The following SEMA3D variants were observed in gnomAD, a reference collection of about 807,000 sequenced individuals.
The protein encoded by SEMA3D is semaphorin 3D, also known as semaphorin-3D.
In SEMA3D, 84 loss-of-function variants were observed where a neutral mutation model predicts 100.1. The ratio of observed to expected loss-of-function variants is 0.84; its 90% CI spans 0.70 to 1.01. The LOEUF is 1.01. Ranked by LOEUF, SEMA3D falls within the 50% of genes least tolerant of loss-of-function variation. SEMA3D has a pLI of 0.00. For synonymous variants in SEMA3D, 312 were observed against 320.7 expected (o/e 0.97, Z 0.29); for missense variants, 875 against 934.1 (o/e 0.94, Z 0.82).
At chr7:85,178,543 G>A (rs62462200) in intron 1 of SEMA3D, among the ~76,000 whole-genome samples, 4,091 of 152,254 alleles carry the variant, frequency 0.027, 80 homozygotes, top group Non-Finnish European at 0.043. Flanking sequence ...AGAGATCTGT[G>A]GAGCTTTGAA....
rs144869815 is a variant in SEMA3D, at chr7:85,022,505, C to T, written c.1300G>A (p.Val434Ile). ...CTCTTGAACGTTGGTCCTCCTGCAA[C>T]TGGGTATACGGACTTATACATCACA... ...HSVMYKSVYP[V>I]AGGPTFKRIN... The change falls in exon 13 of 19, where the codon GTT (valine) becomes ATT (isoleucine). Residue 434 changes from valine to isoleucine, a missense_variant. Coordinates refer to ENST00000284136, the MANE Select transcript of SEMA3D (RefSeq NM_001384900.1). 6.2e-7 allele frequency: 1 copy of T among 1,612,326 alleles called. No individual in the cohort carries two copies. The highest frequency in any genetic ancestry group is 1.7e-5 in the Admixed American group (1 of 59,886).
At chr7:85,225,050 T>TTATATATATATATATA in the SEMA3D span, among the ~76,000 whole-genome samples, 1 of 77,446 alleles carries the variant, frequency 1.3e-5, no homozygotes, top group South Asian at 6.1e-4. Context: ...TGATTTTCTT[T>TTATATATATATATATA]TATATATATA....
intron 8 of SEMA3D, among the ~76,000 whole-genome samples, chr7:85,063,404 T>C (rs1207767447): frequency 6.6e-6 from 1 of 152,182 alleles, no homozygotes; most frequent in East Asian, 1.9e-4. Flanking sequence ...TTCTGCATCA[T>C]AATTATTTGC....
chr7:85,149,279 C>A (rs1472794458), intron 2 of SEMA3D, among the ~76,000 whole-genome samples: 1 of 151,068 alleles, frequency 6.6e-6, no homozygotes, highest in Non-Finnish European at 1.5e-5. Flanking sequence ...ACCCTGCCTC[C>A]CCAAATAAAT....
chr7:85,177,584 AT>A (rs1001485393), intron 1 of SEMA3D, among the ~76,000 whole-genome samples: 9 of 152,140 alleles, frequency 5.9e-5, no homozygotes, highest in African/African-American at 1.7e-4. Context: ...AAATGCACAT[AT>A]TTTTTAAGTG....
chr7:85,177,018 A>G (rs1182761836), intron 1 of SEMA3D, among the ~76,000 whole-genome samples: 3 of 152,112 alleles, frequency 2.0e-5, no homozygotes, highest in Admixed American at 1.3e-4. Context: ...CATGCTGTAT[A>G]GATTTGTAGC....
chr7:85,091,927 C>T (rs1291796982), intron 4 of SEMA3D, among the ~76,000 whole-genome samples: 1 of 151,952 alleles, frequency 6.6e-6, no homozygotes, highest in African/African-American at 2.4e-5. Context: ...AATGCAGCTC[C>T]CTTAATTTAA....
chr7:85,014,627 C>T (rs1790046121), intron 16 of SEMA3D, among the ~76,000 whole-genome samples: 1 of 151,638 alleles, frequency 6.6e-6, no homozygotes, highest in African/African-American at 2.4e-5. Context: ...AGTCACTAGG[C>T]TGCACTGTGG....
At chr7:85,247,142 C>T in the SEMA3D span, among the ~76,000 whole-genome samples, 8 of 151,950 alleles carry the variant, frequency 5.3e-5, no homozygotes, top group African/African-American at 9.7e-5. Flanking sequence ...AAGTTACATC[C>T]TGCCTATATT....
chr7:85,091,299 C>T (rs1012184204), intron 4 of SEMA3D, among the ~76,000 whole-genome samples: 6 of 152,024 alleles, frequency 3.9e-5, no homozygotes, highest in African/African-American at 1.2e-4. Flanking sequence ...GCTTGGTAAG[C>T]CATACGTCAT....
At chr7:85,194,565 G>A in the SEMA3D span, among the ~76,000 whole-genome samples, 2 of 151,994 alleles carry the variant, frequency 1.3e-5, no homozygotes, top group African/African-American at 2.4e-5. Context: ...GCCATTTAAC[G>A]TTTTAATCAT....
At chr7:85,163,848 G>A (rs976079211) in intron 1 of SEMA3D, among the ~76,000 whole-genome samples, 4 of 151,930 alleles carry the variant, frequency 2.6e-5, no homozygotes, top group African/African-American at 9.7e-5. Context: ...AGTAAGGAAA[G>A]GTAATTTTTG....
At chr7:85,009,882 G>A (rs923917494) in intron 17 of SEMA3D, among the ~76,000 whole-genome samples, 30 of 151,632 alleles carry the variant, frequency 2.0e-4, no homozygotes, top group African/African-American at 5.8e-4. Flanking sequence ...ATGACAGGAC[G>A]AATATGAAAT....
the SEMA3D span, among the ~76,000 whole-genome samples, chr7:85,217,280 C>T: frequency 6.6e-6 from 1 of 151,926 alleles, no homozygotes. Context: ...GCTGCATATG[C>T]CTGTTTCCAA....
At chr7:85,010,013 A>G (rs1348213099) in intron 17 of SEMA3D, among the ~76,000 whole-genome samples, 1 of 151,866 alleles carries the variant, frequency 6.6e-6, no homozygotes, top group South Asian at 2.1e-4. Flanking sequence ...GGGCAAAAAA[A>G]AAATGTATTT....
At chr7:85,059,145 C>A (rs1207350736) in intron 8 of SEMA3D, among the ~76,000 whole-genome samples, 1 of 152,138 alleles carries the variant, frequency 6.6e-6, no homozygotes, top group African/African-American at 2.4e-5. Flanking sequence ...TGCTTAAATC[C>A]AGTGCTGCCA....
intron 2 of SEMA3D, chr7:85,141,913 A>G (rs1015094995): frequency 1.2e-4 from 120 of 978,836 alleles, no homozygotes; most frequent in Non-Finnish European, 1.4e-4. Context: ...TCTCAGTATT[A>G]ATTTATGATG....
chr7:85,077,951 G>A (rs1787932851), intron 5 of SEMA3D, among the ~76,000 whole-genome samples: 1 of 151,836 alleles, frequency 6.6e-6, no homozygotes, highest in Admixed American at 6.6e-5. Context: ...TAACAATAGG[G>A]GATTGATTAA....
intron 18 of SEMA3D, among the ~76,000 whole-genome samples, chr7:85,000,471 A>G (rs542276025): frequency 6.6e-6 from 1 of 152,306 alleles, no homozygotes; most frequent in South Asian, 2.1e-4. Flanking sequence ...GTACGGGTAT[A>G]GTCTTTTGGA....
Sources: gnomAD v4.1 joint callset for allele counts (sites outside exome capture counted in the v4.1 genomes callset) on GRCh38, gnomAD v4.1.1 for gene constraint, MANE v1.5 for transcripts, NCBI Gene and HGNC (gene_info 2026-07-23, HGNC 2026-07-21) for gene names.